RBFOX1: variants seen among roughly 807,000 people sequenced by gnomAD.
The protein encoded by RBFOX1 is RNA binding fox-1 homolog 1.
RBFOX1 carries 8 observed loss-of-function variants against 57.7 expected under a neutral mutation model. That is an observed-to-expected ratio of 0.14 (90% CI 0.08 to 0.25). RBFOX1 has a LOEUF of 0.25. RBFOX1 is among the 10% of genes least tolerant of loss of function. The probability of loss-of-function intolerance (pLI) is 1.00; values close to 1 mark genes in which losing one functional copy is unlikely to be tolerated. For missense variants in RBFOX1, 611 were observed against 548.5 expected (o/e 1.11, Z -1.14); for synonymous variants, 326 against 222.4 (o/e 1.47, Z -4.15).
intron 4 of RBFOX1, among the ~76,000 whole-genome samples, chr16:7,060,419 A>C (rs1408431556): frequency 6.6e-6 from 1 of 152,208 alleles, no homozygotes; most frequent in Non-Finnish European, 1.5e-5. Context: ...CAATAAATGC[A>C]TGCACGTTCA....
At chr16:6,419,343 T>C (rs2093711826) in intron 2 of RBFOX1, among the ~76,000 whole-genome samples, 1 of 152,170 alleles carries the variant, frequency 6.6e-6, no homozygotes, top group African/African-American at 2.4e-5. Flanking sequence ...CCTGCTGGAA[T>C]GTGTGAGCTC....
chr16:6,010,496 C>T (rs935993561), intron 4 of RBFOX1, among the ~76,000 whole-genome samples: 1 of 152,238 alleles, frequency 6.6e-6, no homozygotes, highest in East Asian at 1.9e-4. Context: ...TACTTCCCCA[C>T]TCCTGGCCAT....
chr16:7,214,625 T>C (rs941403533), intron 4 of RBFOX1, among the ~76,000 whole-genome samples: 2 of 152,044 alleles, frequency 1.3e-5, no homozygotes, highest in Non-Finnish European at 2.9e-5. Context: ...ACAAATCTGA[T>C]CATGTCTGAG....
At chr16:5,950,712 A>T (rs573760930) in intron 4 of RBFOX1, among the ~76,000 whole-genome samples, 1 of 152,196 alleles carries the variant, frequency 6.6e-6, no homozygotes, top group South Asian at 2.1e-4. Flanking sequence ...GCAAACATTT[A>T]TCAGGCACCT....
intron 2 of RBFOX1, among the ~76,000 whole-genome samples, chr16:6,521,402 C>T (rs1201195543): frequency 2.0e-5 from 3 of 151,388 alleles, no homozygotes; most frequent in Non-Finnish European, 4.4e-5. Flanking sequence ...CTCTCCCTCC[C>T]TTCCTCATTT....
intron 4 of RBFOX1, among the ~76,000 whole-genome samples, chr16:5,918,555 G>T (rs1229061506): frequency 2.6e-5 from 4 of 152,148 alleles, no homozygotes; most frequent in Non-Finnish European, 5.9e-5. Flanking sequence ...CTTTAACAGA[G>T]CCCTCACTAT....
At position 5,424,989 on chromosome 16, in the gene RBFOX1, T is replaced by TTTCTTTCTTTCTTTC. The variant is rs59594774; in HGVS notation, c.220-42225_220-42224insCTTTCTTTCTTTCTT. Among the ~76,000 whole-genome samples, 77 of 75,792 alleles carry TTTCTTTCTTTCTTTC rather than the reference T, an allele frequency of 1.0e-3. 7 individuals carry two copies. The highest frequency in any genetic ancestry group is 3.2e-3 in the African/African-American group (70 of 22,064). 49.7% of individuals were successfully genotyped at this position (75,792 alleles called of 152,430 possible). On this transcript the variant is annotated intron_variant, in intron 1 of 2. Transcript: ENST00000585867. Reference sequence around the variant, plus strand: ...CTCTTTCTTTCTTTCTTTTCTTTTCTTTTCTTTTCTTTTCTTTTCTTTTCT... The same window carrying TTTCTTTCTTTCTTTC: ...CTCTTTCTTTCTTTCTTTTCTTTTCTTTCTTTCTTTCTTTCTTTCTTTTCTTTTCTTTTCTTTTCT...
intron 4 of RBFOX1, among the ~76,000 whole-genome samples, chr16:7,201,340 G>T (rs2088383299): frequency 6.6e-6 from 1 of 152,196 alleles, no homozygotes; most frequent in Non-Finnish European, 1.5e-5. Context: ...AAACAGGAGA[G>T]ATCAAGTCCT....
chr16:5,829,247 C>G (rs906850120), intron 3 of RBFOX1, among the ~76,000 whole-genome samples: 2 of 152,122 alleles, frequency 1.3e-5, no homozygotes, highest in African/African-American at 4.8e-5. Flanking sequence ...AGGCTGAAGG[C>G]CGCAGCCAGT....
chr16:6,276,711 C>G (rs1208327412), intron 1 of RBFOX1, among the ~76,000 whole-genome samples: 7 of 152,220 alleles, frequency 4.6e-5, no homozygotes, highest in Admixed American at 4.6e-4. Context: ...ATACTGGTCG[C>G]ATTAAGTTCC....
intron 14 of RBFOX1, among the ~76,000 whole-genome samples, chr16:7,683,208 G>T: frequency 6.7e-6 from 1 of 148,600 alleles, no homozygotes; most frequent in Non-Finnish European, 1.5e-5. Context: ...TAGAGTCACC[G>T]TAATTTTTTA....
At chr16:7,452,353 G>C (rs953778442) in intron 4 of RBFOX1, among the ~76,000 whole-genome samples, 1 of 152,206 alleles carries the variant, frequency 6.6e-6, no homozygotes, top group Admixed American at 6.5e-5. Context: ...TGTGCATTGT[G>C]CTAAGAGCTT....
At chr16:5,320,984 C>G (rs1330025623) in intron 1 of RBFOX1, among the ~76,000 whole-genome samples, 4 of 152,184 alleles carry the variant, frequency 2.6e-5, no homozygotes, top group Admixed American at 2.0e-4. Flanking sequence ...GCTCTTCTGT[C>G]TATAGTCAGA....
chr16:7,278,774 A>G lies in RBFOX1; in HGVS notation c.27+226676A>G, dbSNP rs373863295. ...AAATATCATTTGTTTAAAAAATGCAATAAAACCTGATATGTACACTGATAT... is the reference window on the plus strand; with the variant it reads ...AAATATCATTTGTTTAAAAAATGCAGTAAAACCTGATATGTACACTGATAT... On this transcript the variant is annotated intron_variant, in intron 4 of 15. Transcript: ENST00000550418. 4.5e-4 allele frequency among the ~76,000 whole-genome samples: 68 copies of G among 152,358 alleles called. 1 individual carries two copies. The East Asian group carries it at 5.6e-3, about 13-fold the overall frequency.
At chr16:7,568,387 G>C (rs1217368628) in intron 5 of RBFOX1, among the ~76,000 whole-genome samples, 1 of 152,124 alleles carries the variant, frequency 6.6e-6, no homozygotes, top group Admixed American at 6.5e-5. Context: ...ATGGCATTTG[G>C]AAACTGTTGT....
intron 2 of RBFOX1, among the ~76,000 whole-genome samples, chr16:6,512,368 TTCAA>T (rs1207713252): frequency 3.3e-5 from 5 of 151,358 alleles, no homozygotes; most frequent in East Asian, 1.9e-4. Flanking sequence ...TTAATAAAAC[TTCAA>T]TCAAGAGTGC....
chr16:7,243,297 A>G (rs2094150031), intron 4 of RBFOX1, among the ~76,000 whole-genome samples: 1 of 152,132 alleles, frequency 6.6e-6, no homozygotes, highest in African/African-American at 2.4e-5. Flanking sequence ...GTGCCACGTG[A>G]CAGCTGTGTG....
intron 4 of RBFOX1, among the ~76,000 whole-genome samples, chr16:5,908,912 A>C (rs1197879546): frequency 6.6e-6 from 1 of 152,024 alleles, no homozygotes; most frequent in Non-Finnish European, 1.5e-5. Context: ...GTGTGAGGAC[A>C]CAGCAAGAAG....
At position 5,735,322 on chromosome 16, in the gene RBFOX1, T is replaced by C. The variant is rs112153979; in HGVS notation, c.319-131981T>C. 9.4e-3 allele frequency among the ~76,000 whole-genome samples: 1,425 copies of C among 152,336 alleles called. 12 individuals are homozygous for C. Among genetic ancestry groups the C allele is most frequent in the Non-Finnish European group, 0.013 (902 of 68,018 alleles). On this transcript the variant is annotated intron_variant, in intron 3 of 19. Transcript: ENST00000641259. The stretch of plus-strand genomic sequence containing the variant: ...AACCCAGACAGTGTTAGTTCTGAAA[T>C]GACAGAACAAAGCAGACTATTGCCT...
Sources: allele counts gnomAD v4.1 joint callset (sites outside exome capture counted in the v4.1 genomes callset), GRCh38; gene constraint gnomAD v4.1.1; transcripts MANE v1.5; gene names NCBI Gene and HGNC (gene_info 2026-07-23, HGNC 2026-07-21).